Variants in CACTIN observed in about 807,000 individuals in gnomAD.
CACTIN encodes the protein splicing factor Cactin.
CACTIN carries 20 observed loss-of-function variants against 84.9 expected under a neutral mutation model. The observed-to-expected ratio is 0.24, with a 90% CI of 0.17 to 0.34. The LOEUF is 0.34. Ranked by LOEUF, CACTIN falls within the 10% of genes least tolerant of loss-of-function variation. CACTIN has a pLI of 1.00. For missense variants in CACTIN, 897 were observed against 1,117.2 expected (o/e 0.80, Z 2.81); for synonymous variants, 549 against 467.9 (o/e 1.17, Z -2.24).
chr19:3,613,938 G>A (rs919225586), intron 7 of CACTIN: 3 of 426,546 alleles, frequency 7.0e-6, no homozygotes, highest in East Asian at 8.6e-5. Context: ...ATTAGCAGAG[G>A]AGACATGTAT....
chr19:3,618,834 C>T, intron 6 of CACTIN, 41 bp downstream of exon 6: 1 of 1,448,186 alleles, frequency 6.9e-7, no homozygotes, highest in South Asian at 1.2e-5. Context: ...CACTGTAGCC[C>T]CCGCAGCTCC....
intron 7 of CACTIN, chr19:3,614,035 C>A (rs530242120): frequency 6.5e-5 from 31 of 477,744 alleles, no homozygotes; most frequent in African/African-American, 5.8e-4. Context: ...CAGGCCTGGG[C>A]GCAAGGCAGT....
intron 2 of CACTIN, chr19:3,621,057 G>T (rs950173268): frequency 1.5e-5 from 9 of 586,146 alleles, no homozygotes; most frequent in East Asian, 1.5e-4. Context: ...CAACAGGAGG[G>T]CCTCACTCGG....
rs771607528 is a variant in CACTIN at position 3,612,426 on chromosome 19, C to A, written c.1787-13G>T. The A allele has an allele frequency of 1.5e-5, 24 of 1,570,494 alleles. No individual in the cohort carries two copies. Among genetic ancestry groups the A allele is most frequent in the Admixed American group, 3.4e-5 (2 of 58,236 alleles). On this transcript the variant is annotated splice_polypyrimidine_tract_variant and intron_variant, in intron 9 of 9. Coordinates refer to ENST00000429344, the MANE Select transcript of CACTIN (RefSeq NM_001080543.2). ...TCGCTGGCGTCTCCTGCGGGCGGGA[C>A]GGCGTTCACCCGGGCCTCGGCCTCC...
chr19:3,613,245 GCCCTCA>G lies in CACTIN; in HGVS notation c.1593_1598del (p.Gly537_Glu538del), dbSNP rs770494441. ...TGAGCACCGCCTCGCCCTCGCCCTC[GCCCTCA>G]CCGTCCCCGTCGCCGTCGCCCTCTG... On this transcript the variant is annotated inframe_deletion, in exon 9 of 10. Coordinates refer to ENST00000429344, the MANE Select transcript of CACTIN (RefSeq NM_001080543.2). The G allele has an allele frequency of 2.9e-5, 47 of 1,609,388 alleles. No homozygotes were observed. The highest frequency in any genetic ancestry group is 3.5e-5 in the Non-Finnish European group (41 of 1,178,376).
At position 3,618,867 on chromosome 19, in the gene CACTIN, G is replaced by A. The variant is rs1340790990; in HGVS notation, c.1162+8C>T. 30 of 1,545,980 alleles carry A rather than the reference G, an allele frequency of 1.9e-5. No individual in the cohort carries two copies. Among genetic ancestry groups the A allele is most frequent in the East Asian group, 4.9e-5 (2 of 40,930 alleles). Reference sequence around the variant, plus strand: ...TCCCCTGGAGCCCAGGCCCATGCCCGCCGTTACCTGGCCCCTTGCCCGAGG... The same window carrying A: ...TCCCCTGGAGCCCAGGCCCATGCCCACCGTTACCTGGCCCCTTGCCCGAGG... On this transcript the variant is annotated splice_region_variant and intron_variant, in intron 6 of 9. Transcript: ENST00000429344.
chr19:3,620,674 G>A (rs1312390791), intron 3 of CACTIN, 33 bp downstream of exon 3: 2 of 1,555,454 alleles, frequency 1.3e-6, no homozygotes, highest in African/African-American at 1.4e-5. Context: ...TGGAAAGGGA[G>A]GGCCCTGCCC....
intron 7 of CACTIN, 105 bp downstream of exon 7, chr19:3,614,292 A>G (rs1432772604): frequency 5.1e-6 from 6 of 1,166,242 alleles, no homozygotes; most frequent in Non-Finnish European, 7.3e-6. Flanking sequence ...TCCACCCCAC[A>G]TGGTCCCAGG....
Position 3,611,837 on chromosome 19 carries a change from GAC to G in CACTIN, c.*84_*85del. The G allele has an allele frequency of 1.3e-6, 2 of 1,529,050 alleles. No individual in the cohort carries two copies. The highest frequency in any genetic ancestry group is 1.8e-6 in the Non-Finnish European group (2 of 1,131,770). 94.7% of individuals were successfully genotyped at this position (1,529,050 alleles called of 1,614,324 possible). ...CGTGAACCCGCGGCCCTGCAGCCCAGACAGCGGCCCCGGAGTGACCACCAGCT... is the reference window on the plus strand; with the variant it reads ...CGTGAACCCGCGGCCCTGCAGCCCAGAGCGGCCCCGGAGTGACCACCAGCT... On this transcript the variant is annotated 3_prime_UTR_variant, in exon 10 of 10. Transcript: ENST00000429344.
intron 8 of CACTIN, 48 bp downstream of exon 8, chr19:3,613,416 C>A: frequency 6.5e-7 from 1 of 1,544,682 alleles, no homozygotes; most frequent in Non-Finnish European, 8.7e-7. Flanking sequence ...GCCCCTCCAT[C>A]CTGCTCCGCG....
chr19:3,619,306 C>T lies in CACTIN; in HGVS notation c.885-64G>A, dbSNP rs2033173231. The T allele has an allele frequency of 1.2e-5, 19 of 1,555,860 alleles. No homozygotes were observed. In the South Asian group the frequency reaches 1.7e-4, roughly 14 times the overall value. ...TGTGCCCTCCATGCTAAAGACCCTGCCCTTGGGGTGACCACACCAGTGGGA... is the reference window on the plus strand; with the variant it reads ...TGTGCCCTCCATGCTAAAGACCCTGTCCTTGGGGTGACCACACCAGTGGGA... On this transcript the variant is annotated intron_variant, in intron 4 of 9. Coordinates refer to ENST00000429344, the MANE Select transcript of CACTIN (RefSeq NM_001080543.2).
chr19:3,612,122 T>C lies in CACTIN; in HGVS notation c.2078A>G (p.Glu693Gly). 1 of 1,613,746 alleles carries C rather than the reference T, an allele frequency of 6.2e-7. No individual in the cohort carries two copies. The highest frequency in any genetic ancestry group is 8.5e-7 in the Non-Finnish European group (1 of 1,179,890). Residue 693 changes from glutamate to glycine, a missense_variant, in exon 10 of 10, where the codon GAG becomes GGG. Glu to Gly is a moderately conservative substitution (Grantham distance 98). Coordinates refer to ENST00000429344, the MANE Select transcript of CACTIN (RefSeq NM_001080543.2). ...PDLIDKRSTP[E>G]YFLEACADNK... The stretch of plus-strand genomic sequence containing the variant: ...GTCGGCGCAGGCCTCCAGGAAGTAC[T>C]CGGGCGTGGAGCGCTTGTCGATGAG...
At chr19:3,612,980 C>G in intron 9 of CACTIN, 78 bp downstream of exon 9, 1 of 1,487,498 alleles carries the variant, frequency 6.7e-7, no homozygotes, top group Non-Finnish European at 9.0e-7. Context: ...CGGCTTCGGC[C>G]GGGAAATGAG....
intron 7 of CACTIN, 31 bp from the exon 8 acceptor site, chr19:3,613,617 G>C (rs1169659945): frequency 6.3e-7 from 1 of 1,583,106 alleles, no homozygotes; most frequent in African/African-American, 1.3e-5. Context: ...CACCCGCATG[G>C]AGGCGAAGGG....
chr19:3,612,458 G>GTCCTGGCCTCCC, intron 9 of CACTIN, 45 bp from the exon 10 acceptor site: 1 of 1,532,508 alleles, frequency 6.5e-7, no homozygotes, highest in Non-Finnish European at 8.7e-7. Context: ...CTCCCCCTGG[G>GTCCTGGCCTCCC]TCCTGGCCTC....
At chr19:3,618,429 G>A (rs2033152510) in intron 6 of CACTIN, among the ~76,000 whole-genome samples, 1 of 152,236 alleles carries the variant, frequency 6.6e-6, no homozygotes, top group South Asian at 2.1e-4. Context: ...CACGGAGGGG[G>A]GGGAAACGTG....
chr19:3,626,458 TG>T, intron 1 of CACTIN, 137 bp downstream of exon 1: 2 of 980,172 alleles, frequency 2.0e-6, no homozygotes, highest in Non-Finnish European at 2.7e-6. Context: ...TTCCAACCGG[TG>T]GTCAATTGTC....
Position 3,618,860 on chromosome 19 carries a change from C to T in CACTIN, c.1162+15G>A. The T allele has an allele frequency of 6.5e-7, 1 of 1,540,044 alleles. No homozygotes were observed. Among genetic ancestry groups the T allele is most frequent in the Non-Finnish European group, 8.8e-7 (1 of 1,138,710 alleles). ...CCGCAGCTCCCCTGGAGCCCAGGCC[C>T]ATGCCCGCCGTTACCTGGCCCCTTG... On this transcript the variant is annotated intron_variant, in intron 6 of 9. Transcript: ENST00000429344.
chr19:3,612,927 A>G, intron 9 of CACTIN, 131 bp downstream of exon 9: 1 of 1,141,326 alleles, frequency 8.8e-7, no homozygotes, highest in Non-Finnish European at 1.3e-6. Context: ...GCACGCTCAG[A>G]GACCCGGGGG....
Sources: allele counts gnomAD v4.1 joint callset (sites outside exome capture counted in the v4.1 genomes callset), GRCh38; gene constraint gnomAD v4.1.1; transcripts MANE v1.5; gene names NCBI Gene and HGNC (gene_info 2026-07-23, HGNC 2026-07-21).